MMP20: variants seen among roughly 807,000 people sequenced by gnomAD.
MMP20 encodes the protein matrix metalloproteinase-20.
In MMP20, 50 loss-of-function variants were observed where a neutral mutation model predicts 51.8. That is an observed-to-expected ratio of 0.97 (90% CI 0.77 to 1.22). MMP20 has a LOEUF of 1.22. MMP20 is among the 50% of genes most tolerant of loss of function. The pLI is 0.00. For missense variants in MMP20, 663 were observed against 601.4 expected (o/e 1.10, Z -1.07); for synonymous variants, 244 against 216.2 (o/e 1.13, Z -1.13).
chr11:102,608,178 C>T, intron 5 of MMP20: 1 of 152,186 alleles, frequency 6.6e-6, no homozygotes, highest in Non-Finnish European at 1.5e-5. Context: ...GCCTAATAAC[C>T]AGGTCTCCAG....
chr11:102,586,473 G>C (rs574237187), intron 8 of MMP20, among the ~76,000 whole-genome samples: 1 of 152,010 alleles, frequency 6.6e-6, no homozygotes, highest in South Asian at 2.1e-4. Context: ...ATTTCTGTAA[G>C]GTGAGTAGCA....
intron 3 of MMP20, among the ~76,000 whole-genome samples, chr11:102,611,405 G>A (rs1859597519): frequency 6.6e-6 from 1 of 152,244 alleles, no homozygotes; most frequent in Admixed American, 6.5e-5. Flanking sequence ...TAATATAGAA[G>A]GGGTTATATA....
rs149347703 is a variant in MMP20 at position 102,609,019 on chromosome 11, C to T, written c.729G>A (p.Leu243=). 25 of 1,613,798 alleles carry T rather than the reference C, an allele frequency of 1.5e-5. No homozygotes were observed. The highest frequency in any genetic ancestry group is 1.9e-5 in the Non-Finnish European group (22 of 1,179,814). ...TCTTGTACTTATAAGTTGGGTACAT[C>T]AGTGCTGATGGGTCTGTGGAATGGG... is the stretch of plus-strand genomic sequence containing the variant. ...GLAHSTDPSA[L]MYPTYKYKNP... Residue 243 remains leucine, a synonymous_variant, in exon 5 of 10, where the codon CTG becomes CTA. Coordinates refer to ENST00000260228, the MANE Select transcript of MMP20 (RefSeq NM_004771.4).
chr11:102,578,887 A>C (rs973022080), intron 9 of MMP20, 152 bp downstream of exon 9: 4 of 649,966 alleles, frequency 6.2e-6, no homozygotes, highest in Non-Finnish European at 1.1e-5. Flanking sequence ...TTTCTAGTGG[A>C]CAATCTGTTT....
intron 5 of MMP20, 116 bp downstream of exon 5, chr11:102,608,821 G>T: frequency 9.2e-7 from 1 of 1,089,086 alleles, no homozygotes; most frequent in Non-Finnish European, 1.4e-6. Flanking sequence ...GGCATAGTTG[G>T]GGTTATGGTT....
chr11:102,578,257 T>A (rs1296322036), intron 9 of MMP20, among the ~76,000 whole-genome samples: 1 of 151,874 alleles, frequency 6.6e-6, no homozygotes, highest in Non-Finnish European at 1.5e-5. Flanking sequence ...AATCCTCCCA[T>A]CTCAGCATCC....
chr11:102,600,687 A>G (rs1341726094), intron 6 of MMP20, among the ~76,000 whole-genome samples: 1 of 151,954 alleles, frequency 6.6e-6, no homozygotes. Context: ...GGGTTTCACC[A>G]TGTTTCCCAG....
At chr11:102,581,458 A>T (rs1449443651) in intron 8 of MMP20, among the ~76,000 whole-genome samples, 1 of 152,198 alleles carries the variant, frequency 6.6e-6, no homozygotes, top group Non-Finnish European at 1.5e-5. Flanking sequence ...CAAGTCAGAG[A>T]GGGGATTAAG....
intron 2 of MMP20, among the ~76,000 whole-genome samples, chr11:102,616,191 G>A (rs530385099): frequency 3.3e-5 from 5 of 152,250 alleles, no homozygotes; most frequent in African/African-American, 1.2e-4. Context: ...CTTTGCCTTC[G>A]AATCAGGCTC....
intron 1 of MMP20, among the ~76,000 whole-genome samples, chr11:102,620,133 T>A (rs541051679): frequency 3.1e-4 from 47 of 152,174 alleles, no homozygotes; most frequent in Non-Finnish European, 5.4e-4. Flanking sequence ...AGGCACCGTT[T>A]TGCCTTCACA....
At chr11:102,612,745 T>TTC in intron 2 of MMP20, among the ~76,000 whole-genome samples, 1 of 149,154 alleles carries the variant, frequency 6.7e-6, no homozygotes, top group South Asian at 2.2e-4. Flanking sequence ...TTTCTTTTTT[T>TTC]TTTTTTTTGA....
At chr11:102,589,249 C>T (rs1373956948) in intron 8 of MMP20, among the ~76,000 whole-genome samples, 4 of 152,210 alleles carry the variant, frequency 2.6e-5, no homozygotes, top group Admixed American at 6.5e-5. Context: ...GGAAGCCACC[C>T]ACCCGCACCT....
At chr11:102,588,491 GT>G (rs1859279010) in intron 8 of MMP20, among the ~76,000 whole-genome samples, 1 of 151,986 alleles carries the variant, frequency 6.6e-6, no homozygotes, top group Non-Finnish European at 1.5e-5. Context: ...GCCAAATACA[GT>G]TTTGCTCCCA....
At position 102,576,990 on chromosome 11, in the gene MMP20, T is replaced by A; in HGVS notation, c.*336A>T. ...AAGAATTACAATATATGTCATGGAA[T>A]CCACCACTAGTCTTCCTCCTGGAAA... On this transcript the variant is annotated 3_prime_UTR_variant, in exon 10 of 10. Coordinates refer to ENST00000260228, the MANE Select transcript of MMP20 (RefSeq NM_004771.4). The A allele has an allele frequency of 3.5e-6, 1 of 288,362 alleles. No individual in the cohort carries two copies. The highest frequency in any genetic ancestry group is 4.0e-5 in the South Asian group (1 of 25,110). 17.9% of individuals were successfully genotyped at this position (288,362 alleles called of 1,614,324 possible). A position where few individuals can be genotyped will look rare whatever the true frequency, so the allele number is the denominator to read the frequency against.
At chr11:102,606,453 A>G in intron 6 of MMP20, 82 bp downstream of exon 6, 1 of 1,558,250 alleles carries the variant, frequency 6.4e-7, no homozygotes, top group Non-Finnish European at 8.8e-7. Context: ...CATACAAGGC[A>G]GCAACAAGGA....
At chr11:102,598,834 C>T (rs1251056302) in intron 6 of MMP20, among the ~76,000 whole-genome samples, 1 of 152,044 alleles carries the variant, frequency 6.6e-6, no homozygotes, top group African/African-American at 2.4e-5. Context: ...CTAAGCTGAC[C>T]CCATCAGACT....
At chr11:102,600,842 T>C (rs1859436918) in intron 6 of MMP20, among the ~76,000 whole-genome samples, 1 of 152,104 alleles carries the variant, frequency 6.6e-6, no homozygotes, top group South Asian at 2.1e-4. Context: ...TGCTCTGCTG[T>C]GACTATATTC....
At position 102,593,603 on chromosome 11, in the gene MMP20, CA is replaced by C; in HGVS notation, c.1091-9del. 6.2e-7 allele frequency: 1 copy of C among 1,613,960 alleles called. No individual in the cohort carries two copies. The highest frequency in any genetic ancestry group is 8.5e-7 in the Non-Finnish European group (1 of 1,179,894). ...TTATCCAGTAGTGGGGACCTGAAAA[CA>C]GAAATTAAAGTTTACGAAAACTCTG... is the stretch of plus-strand genomic sequence containing the variant. On this transcript the variant is annotated splice_polypyrimidine_tract_variant and intron_variant, in intron 7 of 9. Transcript: ENST00000260228.
intron 6 of MMP20, among the ~76,000 whole-genome samples, chr11:102,595,209 G>T (rs1205606989): frequency 6.6e-6 from 1 of 152,096 alleles, no homozygotes; most frequent in African/African-American, 2.4e-5. Context: ...TTACAGACAT[G>T]AATGACCATG....
Sources: gnomAD v4.1 joint callset for allele counts (sites outside exome capture counted in the v4.1 genomes callset) on GRCh38, gnomAD v4.1.1 for gene constraint, MANE v1.5 for transcripts, NCBI Gene and HGNC (gene_info 2026-07-23, HGNC 2026-07-21) for gene names.